The following MYT1L variants were observed in gnomAD, a reference collection of about 807,000 sequenced individuals.
MYT1L encodes myelin transcription factor 1 like, also known as myelin transcription factor 1-like protein.
A neutral mutation model predicts 126.7 loss-of-function variants in MYT1L; 12 were observed. The observed-to-expected ratio is 0.09, with a 90% CI of 0.06 to 0.15. The LOEUF (loss-of-function observed/expected upper bound fraction) is 0.15. Ranked by LOEUF, MYT1L falls within the 10% of genes least tolerant of loss-of-function variation. The pLI, the probability that MYT1L is intolerant of heterozygous loss-of-function variation, is 1.00. For synonymous variants in MYT1L, 541 were observed against 604.2 expected (o/e 0.90, Z 1.53); for missense variants, 979 against 1,585.2 (o/e 0.62, Z 6.49).
At chr2:2,103,839 T>C (rs959196328) in intron 3 of MYT1L, among the ~76,000 whole-genome samples, 7 of 152,204 alleles carry the variant, frequency 4.6e-5, no homozygotes, top group Admixed American at 1.3e-4. Context: ...ATACATGGAA[T>C]TGTGAGGGGC....
chr2:1,792,871 C>CA (rs55682787), intron 23 of MYT1L, among the ~76,000 whole-genome samples: 9,100 of 76,304 alleles, frequency 0.12, 673 homozygotes, highest in African/African-American at 0.15. Flanking sequence ...TTCCGTCTCA[C>CA]AAAAAAAAAA....
At chr2:2,237,221 C>G (rs1001168081) in intron 2 of MYT1L, among the ~76,000 whole-genome samples, 6 of 152,146 alleles carry the variant, frequency 3.9e-5, no homozygotes, top group African/African-American at 1.4e-4. Context: ...TCCTCCCTTC[C>G]TAGCTCCCTT....
chr2:1,974,879 T>C (rs922879810), intron 8 of MYT1L: 2 of 152,188 alleles, frequency 1.3e-5, no homozygotes, highest in African/African-American at 4.8e-5. Flanking sequence ...TGATTTAAGG[T>C]TTACCATTGT....
intron 3 of MYT1L, among the ~76,000 whole-genome samples, chr2:2,101,847 T>A (rs2078134483): frequency 6.6e-6 from 1 of 152,222 alleles, no homozygotes; most frequent in Admixed American, 6.5e-5. Flanking sequence ...TGAAATAGCA[T>A]CTGTTCTATA....
rs116633337 is a variant in MYT1L, at chr2:2,142,150, C to T, written c.-304+30722G>A. On this transcript the variant is annotated intron_variant, in intron 3 of 24. Coordinates refer to ENST00000647738, the MANE Select transcript of MYT1L (RefSeq NM_001303052.2). ...TTACACGGCTGTTGTCCCCCTTTCTCGCCTGTTTGAGCCTTGTTCAGGATG... is the reference window on the plus strand; with the variant it reads ...TTACACGGCTGTTGTCCCCCTTTCTTGCCTGTTTGAGCCTTGTTCAGGATG... Among the ~76,000 whole-genome samples, 921 of 152,232 alleles carry T rather than the reference C, an allele frequency of 6.0e-3. 12 individuals are homozygous for T. Among genetic ancestry groups the T allele is most frequent in the African/African-American group, 0.021 (886 of 41,542 alleles).
At chr2:2,202,924 A>G (rs550672642) in intron 2 of MYT1L, among the ~76,000 whole-genome samples, 1 of 152,264 alleles carries the variant, frequency 6.6e-6, no homozygotes, top group South Asian at 2.1e-4. Flanking sequence ...CTTATCCACT[A>G]TGATCAAGTG....
At chr2:2,257,599 A>G (rs1453105435) in intron 2 of MYT1L, among the ~76,000 whole-genome samples, 4 of 152,202 alleles carry the variant, frequency 2.6e-5, no homozygotes, top group African/African-American at 7.2e-5. Context: ...TTGCTAAGAG[A>G]GTAGCCTCAA....
intron 21 of MYT1L, among the ~76,000 whole-genome samples, chr2:1,833,429 C>T (rs1173230107): frequency 2.0e-5 from 3 of 152,112 alleles, no homozygotes; most frequent in Non-Finnish European, 4.4e-5. Context: ...CTGTGTTCAC[C>T]GGGACTGAGG....
chr2:2,320,376 G>A lies in MYT1L; in HGVS notation c.-521+10591C>T, dbSNP rs1031119363. Among the ~76,000 whole-genome samples, 6 of 152,024 alleles carry A rather than the reference G, an allele frequency of 3.9e-5. No homozygotes were observed. The South Asian group carries it at 1.2e-3, about 32-fold the overall frequency. ...AGTAAGAGGATGAGAGGGATGGACA[G>A]GGTTAAATTCATGACATGGTGCTCA... is the stretch of plus-strand genomic sequence containing the variant. On this transcript the variant is annotated intron_variant, in intron 1 of 24. Transcript: ENST00000647738.
At chr2:2,220,140 T>C (rs1057427619) in intron 2 of MYT1L, among the ~76,000 whole-genome samples, 2 of 152,154 alleles carry the variant, frequency 1.3e-5, no homozygotes, top group Non-Finnish European at 2.9e-5. Context: ...AGAGATTTAT[T>C]CTGAGCCAAA....
rs940295472 is a variant in MYT1L, at chr2:1,837,676, C to T, written c.3080+1473G>A. On this transcript the variant is annotated intron_variant, in intron 21 of 24. Transcript: ENST00000647738. ...GAGGGTGAGGCGGCTCTGTGACACC[C>T]TGGGCTTCTGTGCACCTAACAAGGA... Among the ~76,000 whole-genome samples, 4 of 152,046 alleles carry T rather than the reference C, an allele frequency of 2.6e-5. No individual in the cohort carries two copies. The highest frequency in any genetic ancestry group is 2.9e-5 in the Non-Finnish European group (2 of 68,014).
chr2:2,208,968 G>A (rs913350675), intron 2 of MYT1L, among the ~76,000 whole-genome samples: 1 of 151,352 alleles, frequency 6.6e-6, no homozygotes, highest in African/African-American at 2.4e-5. Flanking sequence ...AAATGTCATA[G>A]GTTGCTTTTG....
At position 1,946,604 on chromosome 2, in the gene MYT1L, C is replaced by A. The variant is rs367686642; in HGVS notation, c.153-3270G>T. 3.9e-5 allele frequency among the ~76,000 whole-genome samples: 6 copies of A among 152,120 alleles called. No individual in the cohort carries two copies. In the East Asian group the frequency reaches 1.2e-3, roughly 29 times the overall value. On this transcript the variant is annotated intron_variant, in intron 8 of 24. Coordinates refer to ENST00000647738, the MANE Select transcript of MYT1L (RefSeq NM_001303052.2). ...CTAAGTCTCTATCAGCCCTGAAACA[C>A]TAGGGTGAAACGTTATCATCCCTTA...
At chr2:2,156,156 T>C (rs1371560493) in intron 3 of MYT1L, among the ~76,000 whole-genome samples, 1 of 152,206 alleles carries the variant, frequency 6.6e-6, no homozygotes, top group Non-Finnish European at 1.5e-5. Context: ...ATTAATCTTG[T>C]AAAAATAACC....
intron 5 of MYT1L, among the ~76,000 whole-genome samples, chr2:1,984,076 G>T (rs1481076308): frequency 6.6e-6 from 1 of 152,196 alleles, no homozygotes; most frequent in Non-Finnish European, 1.5e-5. Context: ...CATGAAGAGA[G>T]AGCAGGTGAA....
intron 3 of MYT1L, among the ~76,000 whole-genome samples, chr2:2,143,756 A>G (rs1408150048): frequency 1.3e-5 from 2 of 152,082 alleles, no homozygotes; most frequent in Non-Finnish European, 2.9e-5. Flanking sequence ...TTTAAAATGC[A>G]TGTTGACATG....
chr2:2,237,520 T>C (rs1476975243), intron 2 of MYT1L, among the ~76,000 whole-genome samples: 1 of 152,038 alleles, frequency 6.6e-6, no homozygotes, highest in Non-Finnish European at 1.5e-5. Flanking sequence ...CAAAAAGCAG[T>C]TTTTGTAAGT....
intron 2 of MYT1L, among the ~76,000 whole-genome samples, chr2:2,181,242 C>G (rs1280802770): frequency 1.3e-5 from 2 of 151,788 alleles, no homozygotes; most frequent in South Asian, 2.1e-4. Flanking sequence ...CTGTGTATAT[C>G]TGTGTGTGCA....
chr2:2,214,301 C>CTATG (rs1553565376), intron 2 of MYT1L, among the ~76,000 whole-genome samples: 3 of 147,328 alleles, frequency 2.0e-5, no homozygotes, highest in African/African-American at 7.5e-5. Flanking sequence ...ATCTATCTAT[C>CTATG]TATGTTTGAA....
Sources: gnomAD v4.1 joint callset for allele counts (sites outside exome capture counted in the v4.1 genomes callset) on GRCh38, gnomAD v4.1.1 for gene constraint, MANE v1.5 for transcripts, NCBI Gene and HGNC (gene_info 2026-07-23, HGNC 2026-07-21) for gene names.